Variants in BTAF1 observed in about 807,000 individuals in gnomAD.
The protein encoded by BTAF1 is TATA-binding protein-associated factor 172.
Under a neutral mutation model 227.1 loss-of-function variants are expected in BTAF1, and 38 were observed. That is an observed-to-expected ratio of 0.17 (90% CI 0.13 to 0.22). The LOEUF (loss-of-function observed/expected upper bound fraction) is 0.22. Among genes scored for constraint, BTAF1 ranks in the 10% least tolerant of loss-of-function variants. The pLI, the probability that BTAF1 is intolerant of heterozygous loss-of-function variation, is 1.00. For missense variants in BTAF1, 1,598 were observed against 2,204.0 expected (o/e 0.73, Z 5.51); for synonymous variants, 742 against 751.9 (o/e 0.99, Z 0.21).
intron 4 of BTAF1, among the ~76,000 whole-genome samples, chr10:91,947,367 T>G (rs1031524613): frequency 6.6e-6 from 1 of 151,970 alleles, no homozygotes; most frequent in African/African-American, 2.4e-5. Flanking sequence ...TTTTATCGAT[T>G]TTGAGTTTTT....
chr10:92,002,474 A>G (rs1348294852), intron 25 of BTAF1, among the ~76,000 whole-genome samples: 1 of 152,284 alleles, frequency 6.6e-6, no homozygotes, highest in Non-Finnish European at 1.5e-5. Flanking sequence ...TTAGGGTTTC[A>G]TTGTTAGGGA....
chr10:91,967,968 C>G (rs568474020), intron 14 of BTAF1, among the ~76,000 whole-genome samples: 12 of 152,046 alleles, frequency 7.9e-5, no homozygotes, highest in Non-Finnish European at 1.6e-4. Context: ...CTCCTACTAC[C>G]CACACATAGT....
intron 11 of BTAF1, among the ~76,000 whole-genome samples, chr10:91,961,553 C>T (rs1449297801): frequency 6.6e-6 from 1 of 151,978 alleles, no homozygotes; most frequent in Non-Finnish European, 1.5e-5. Context: ...CTGCTCCCTT[C>T]CTTGCTTTTC....
At chr10:92,000,546 C>T (rs888581687) in intron 25 of BTAF1, among the ~76,000 whole-genome samples, 1 of 151,998 alleles carries the variant, frequency 6.6e-6, no homozygotes, top group East Asian at 1.9e-4. Flanking sequence ...TTGGGGTTTT[C>T]TTGGTTGTTT....
At chr10:92,028,698 G>A (rs1251150932) in intron 37 of BTAF1, 92 bp from the exon 38 acceptor site, 2 of 1,241,938 alleles carry the variant, frequency 1.6e-6, no homozygotes, top group African/African-American at 1.6e-5. Context: ...TTGAATAATT[G>A]TATTAGAAAC....
At chr10:91,972,889 A>C (rs1778582338) in intron 14 of BTAF1, among the ~76,000 whole-genome samples, 1 of 152,226 alleles carries the variant, frequency 6.6e-6, no homozygotes, top group Admixed American at 6.5e-5. Flanking sequence ...TATTTTATTC[A>C]GGTGCTACTG....
intron 14 of BTAF1, among the ~76,000 whole-genome samples, chr10:91,971,839 T>C (rs1589843216): frequency 1.4e-5 from 1 of 70,202 alleles, no homozygotes; most frequent in African/African-American, 3.4e-5. Flanking sequence ...AATTTTGGGA[T>C]TTTTTTTTTT....
chr10:91,991,817 A>T (rs1589900861), intron 20 of BTAF1, among the ~76,000 whole-genome samples: 1 of 62,642 alleles, frequency 1.6e-5, no homozygotes, highest in African/African-American at 1.6e-4. Context: ...ATATATATAT[A>T]TATATATATA....
intron 21 of BTAF1, 68 bp from the exon 22 acceptor site, chr10:91,993,626 T>C (rs754407117): frequency 4.1e-6 from 5 of 1,208,616 alleles, no homozygotes; most frequent in Admixed American, 3.4e-5. Flanking sequence ...TTAAATTCTT[T>C]TGTTAAAATT....
intron 2 of BTAF1, among the ~76,000 whole-genome samples, chr10:91,937,424 A>G (rs1009550451): frequency 2.0e-5 from 3 of 152,100 alleles, no homozygotes; most frequent in South Asian, 2.1e-4. Context: ...TTTTATCACC[A>G]CAAAAAGAAA....
At chr10:91,925,417 C>G (rs1843756998) in intron 1 of BTAF1, among the ~76,000 whole-genome samples, 2 of 151,576 alleles carry the variant, frequency 1.3e-5, no homozygotes, top group Non-Finnish European at 2.9e-5. Context: ...TACTTCTTTT[C>G]TTAGAGCAAC....
At chr10:91,939,450 C>CT (rs1564657976) in intron 2 of BTAF1, among the ~76,000 whole-genome samples, 1 of 151,980 alleles carries the variant, frequency 6.6e-6, no homozygotes, top group Non-Finnish European at 1.5e-5. Flanking sequence ...AGTTTCTTTT[C>CT]TTTTTGAGAC....
At chr10:91,937,718 C>G (rs912089309) in intron 2 of BTAF1, among the ~76,000 whole-genome samples, 1 of 152,006 alleles carries the variant, frequency 6.6e-6, no homozygotes, top group African/African-American at 2.4e-5. Context: ...CACTTTTTGG[C>G]TACTGTATTA....
At chr10:92,015,579 A>G (rs1850660448) in intron 32 of BTAF1, among the ~76,000 whole-genome samples, 1 of 152,228 alleles carries the variant, frequency 6.6e-6, no homozygotes, top group African/African-American at 2.4e-5. Flanking sequence ...AATGAAATGA[A>G]GACTTCTTAA....
intron 34 of BTAF1, among the ~76,000 whole-genome samples, chr10:92,021,943 T>A (rs1851164685): frequency 1.3e-5 from 2 of 152,170 alleles, no homozygotes; most frequent in African/African-American, 4.8e-5. Flanking sequence ...AAAAAACGGG[T>A]AATTTAGCCT....
intron 13 of BTAF1, among the ~76,000 whole-genome samples, chr10:91,965,036 A>G (rs567481637): frequency 1.3e-5 from 2 of 152,336 alleles, no homozygotes; most frequent in African/African-American, 4.8e-5. Flanking sequence ...TAAAAAAAGT[A>G]GAAAATATTT....
chr10:92,009,774 T>G (rs1214762609), intron 28 of BTAF1, among the ~76,000 whole-genome samples: 3 of 152,234 alleles, frequency 2.0e-5, no homozygotes, highest in African/African-American at 7.2e-5. Flanking sequence ...CAGTCATGGC[T>G]GCACTAAATT....
intron 8 of BTAF1, 66 bp from the exon 9 acceptor site, chr10:91,958,999 G>C: frequency 7.0e-7 from 1 of 1,428,028 alleles, no homozygotes; most frequent in Non-Finnish European, 9.8e-7. Flanking sequence ...ATTTCGTATA[G>C]AAGAAAAATC....
chr10:91,933,447 A>G (rs1199826399), intron 1 of BTAF1, among the ~76,000 whole-genome samples: 4 of 152,184 alleles, frequency 2.6e-5, no homozygotes, highest in Non-Finnish European at 4.4e-5. Context: ...AGAGTTGAGC[A>G]GTCAAGGATT....
Sources: gnomAD v4.1 joint callset for allele counts (sites outside exome capture counted in the v4.1 genomes callset) on GRCh38, gnomAD v4.1.1 for gene constraint, MANE v1.5 for transcripts, NCBI Gene and HGNC (gene_info 2026-07-23, HGNC 2026-07-21) for gene names.